The following DIDO1 variants were observed in gnomAD, a reference collection of about 807,000 sequenced individuals.
The protein encoded by DIDO1 is death-inducer obliterator 1.
In DIDO1, 16 loss-of-function variants were observed where a neutral mutation model predicts 99.4. That is an observed-to-expected ratio of 0.16 (90% confidence interval 0.11 to 0.24). The LOEUF (loss-of-function observed/expected upper bound fraction) is 0.24, where lower values mean the gene tolerates loss of function less well. Ranked by LOEUF, DIDO1 falls within the 10% of genes least tolerant of loss-of-function variation. The probability of loss-of-function intolerance (pLI) is 1.00; values close to 1 mark genes in which losing one functional copy is unlikely to be tolerated. For synonymous variants in DIDO1, 1,366 were observed against 1,239.1 expected (o/e 1.10, Z -2.15); for missense variants, 2,996 against 3,014.0 (o/e 0.99, Z 0.14).
At chr20:62,906,707 CAAA>C (rs753653648) in intron 5 of DIDO1, among the ~76,000 whole-genome samples, 82,803 of 151,696 alleles carry the variant, frequency 0.55, 24,043 homozygotes, top group African/African-American at 0.75. Context: ...CTAAACATTC[CAAA>C]TAACACGGAG....
intron 15 of DIDO1, among the ~76,000 whole-genome samples, chr20:62,883,615 A>C (rs73619439): frequency 0.094 from 14,346 of 152,198 alleles, 993 homozygotes; most frequent in East Asian, 0.31. Flanking sequence ...TCATGAGGTC[A>C]AGAGATCAAG....
rs190486956 is a variant in DIDO1 at position 62,879,161 on chromosome 20, A to G, written c.*72T>C. On this transcript the variant is annotated 3_prime_UTR_variant, in exon 16 of 16. Coordinates refer to ENST00000395343, the MANE Select transcript of DIDO1 (RefSeq NM_001193369.2). This position sits in a 1 kb window ranked among gnomAD's most constrained non-coding sequence, Gnocchi z 6.3. ...CTATCCTGAATCTAAGATCGTGGCT[A>G]TTTCAAAAGCTATTTGTTCAACGCA... The G allele has an allele frequency of 2.3e-3, 3,086 of 1,337,328 alleles. 6 individuals are homozygous for G. The highest frequency in any genetic ancestry group is 4.7e-3 in the Middle Eastern group (25 of 5,306). 82.8% of individuals were successfully genotyped at this position (1,337,328 alleles called of 1,614,324 possible).
Position 62,881,728 on chromosome 20 carries a change from C to T in DIDO1, c.4228G>A (p.Val1410Met). 2 of 1,613,028 alleles carry T rather than the reference C, an allele frequency of 1.2e-6. No individual in the cohort carries two copies. Among genetic ancestry groups the T allele is most frequent in the Non-Finnish European group, 1.7e-6 (2 of 1,180,022 alleles). ...GCAGCTGCTTCAGGAGCCCTTTCCA[C>T]CTCGTGGCGCCGCCCTCGCTCCACA... ...QLVERGRRHE[V>M]ERAPEAAAAE... Residue 1410 changes from valine (V) to methionine (M), a missense_variant, in exon 16 of 16, where the codon GTG (valine) becomes ATG (methionine). By Grantham distance (21) the Val-to-Met change is conservative. Coordinates refer to ENST00000395343, the MANE Select transcript of DIDO1 (RefSeq NM_001193369.2). The surrounding 1 kb of genome is among the most constrained non-coding windows in gnomAD (Gnocchi z 8.3).
intron 15 of DIDO1, chr20:62,887,251 G>A: frequency 9.1e-6 from 9 of 985,448 alleles, no homozygotes; most frequent in Non-Finnish European, 1.1e-5. Context: ...GGAGGAGAAG[G>A]CAGTACATTC....
Position 62,881,941 on chromosome 20 carries a change from T to A in DIDO1, c.4015A>T (p.Thr1339Ser), listed in dbSNP as rs75790071. The change falls in exon 16 of 16, where the codon ACC (threonine) becomes TCC (serine). Residue 1339 changes from threonine to serine, a missense_variant. This residue lies in a region of DIDO1 where 1,562 missense variants were observed against 1,412.6 expected (regional missense o/e 1.11). Transcript: ENST00000395343. This position sits in a 1 kb window ranked among gnomAD's most constrained non-coding sequence, Gnocchi z 8.3. Reference protein sequence around the residue: ...DPSAREPPGSTAGLPQEPKTT... With the variant: ...DPSAREPPGSSAGLPQEPKTT... ...TTGGGCTCCTGGGGGAGACCTGCGGTGGACCCGGGAGGCTCTCTGGCGGAC... is the reference window on the plus strand; with the variant it reads ...TTGGGCTCCTGGGGGAGACCTGCGGAGGACCCGGGAGGCTCTCTGGCGGAC... The A allele has an allele frequency of 1.8e-3, 2,828 of 1,613,360 alleles. 43 individuals are homozygous for A. The African/African-American group carries it at 0.032, about 18-fold the overall frequency.
intron 1 of DIDO1, among the ~76,000 whole-genome samples, chr20:62,924,777 A>G (rs2065221359): frequency 6.6e-6 from 1 of 152,120 alleles, no homozygotes; most frequent in Non-Finnish European, 1.5e-5. Context: ...TCAATCACAA[A>G]TTATCTTATT....
In DIDO1 at chr20:62,911,283, G is replaced by T; in HGVS notation, c.330C>A (p.Ala110=). The change falls in exon 3 of 16, where the codon GCC becomes GCA. Residue 110 remains alanine, a synonymous_variant. Transcript: ENST00000395343. This position sits in a 1 kb window ranked among gnomAD's most constrained non-coding sequence, Gnocchi z 7.0. ...TSCPATDAET[A]SEGSVESASE... ...AAGCGCTTTCCACGCTGCCCTCGGA[G>T]GCTGTCTCGGCGTCTGTGGCGGGGC... 6.2e-7 allele frequency: 1 copy of T among 1,612,178 alleles called. No homozygotes were observed. The highest frequency in any genetic ancestry group is 8.5e-7 in the Non-Finnish European group (1 of 1,180,022).
At position 62,911,330 on chromosome 20, in the gene DIDO1, C is replaced by T. The variant is rs1301927054; in HGVS notation, c.283G>A (p.Asp95Asn). ...GRRSMPVSLE[D>N]SGEPTSCPAT... is the part of the protein sequence containing the mutation. ...GGGCAGGACGTGGGCTCACCAGAAT[C>T]CTCCAGGGAGACAGGCATGCTCCTC... The change falls in exon 3 of 16, where the codon GAT becomes AAT. Residue 95 changes from aspartate to asparagine, a missense_variant. By Grantham distance (23) the Asp-to-Asn change is conservative. Coordinates refer to ENST00000395343, the MANE Select transcript of DIDO1 (RefSeq NM_001193369.2). The surrounding 1 kb of genome is among the most constrained non-coding windows in gnomAD (Gnocchi z 7.0). 11 of 1,608,734 alleles carry T rather than the reference C, an allele frequency of 6.8e-6. No individual in the cohort carries two copies. Among genetic ancestry groups the T allele is most frequent in the Non-Finnish European group, 8.5e-6 (10 of 1,179,978 alleles).
At chr20:62,903,257 GTGTC>G (rs2064723893) in intron 6 of DIDO1, among the ~76,000 whole-genome samples, 1 of 152,240 alleles carries the variant, frequency 6.6e-6, no homozygotes, top group African/African-American at 2.4e-5. Flanking sequence ...CAATGGCAGA[GTGTC>G]TGTGCACACC....
At chr20:62,921,808 T>C (rs893753992) in intron 1 of DIDO1, among the ~76,000 whole-genome samples, 7 of 151,018 alleles carry the variant, frequency 4.6e-5, no homozygotes, top group African/African-American at 1.7e-4. Flanking sequence ...CTATTGTGTG[T>C]GTGTGTATAT....
In DIDO1 at chr20:62,893,680, C is replaced by T. The variant is rs759323317; in HGVS notation, c.3087G>A (p.Pro1029=). 2.4e-5 allele frequency: 39 copies of T among 1,600,882 alleles called. No homozygotes were observed. The Middle Eastern group carries it at 8.3e-4, about 34-fold the overall frequency. The part of the protein sequence containing the change: ...SPDPRYLSVP[P]SPNISTSESR... The stretch of plus-strand genomic sequence containing the variant: ...GAAGTACGCACCTGATATTTGGTGA[C>T]GGAGGAACTGACAGGTATCTTGGGT... The change falls in exon 12 of 16, where the codon CCG becomes CCA. Residue 1029 remains proline (P), a synonymous_variant. Transcript: ENST00000395343.
rs758788766 is a variant in DIDO1 at position 62,879,488 on chromosome 20, G to T, written c.6468C>A (p.Asn2156Lys). Reference protein sequence around the residue: ...DWDRNRERSANRDREREADRG... With the variant: ...DWDRNRERSAKRDREREADRG... ...GGTCGGCCTCGCGCTCTCGGTCGCG[G>T]TTGGCGCTCCTCTCCCGGTTTCTGT... The change falls in exon 16 of 16, where the codon AAC (asparagine) becomes AAA (lysine). Residue 2156 changes from asparagine to lysine, a missense_variant. By Grantham distance (94) the Asn-to-Lys change is moderately conservative (BLOSUM62 0). Coordinates refer to ENST00000395343, the MANE Select transcript of DIDO1 (RefSeq NM_001193369.2). The surrounding 1 kb of genome is among the most constrained non-coding windows in gnomAD (Gnocchi z 6.3). 37 of 1,591,796 alleles carry T rather than the reference G, an allele frequency of 2.3e-5. No individual in the cohort carries two copies. Among genetic ancestry groups the T allele is most frequent in the Non-Finnish European group, 2.8e-5 (33 of 1,175,922 alleles).
chr20:62,931,658 G>A (rs1307041616), intron 1 of DIDO1, among the ~76,000 whole-genome samples: 1 of 152,198 alleles, frequency 6.6e-6, no homozygotes, highest in African/African-American at 2.4e-5. Context: ...GGAGGAAGGT[G>A]CAGGGATGTC....
rs1212155972 is a variant in DIDO1 at position 62,892,038 on chromosome 20, T to C, written c.3294A>G (p.Ala1098=). 2 of 1,613,538 alleles carry C rather than the reference T, an allele frequency of 1.2e-6. No homozygotes were observed. The highest frequency in any genetic ancestry group is 4.5e-5 in the East Asian group (2 of 44,880). The change falls in exon 14 of 16, where the codon GCA becomes GCG. Residue 1098 remains alanine, a synonymous_variant. Transcript: ENST00000395343. ...CAACATAATCCCAAACTGTCTTCGG[T>C]GCGATCCTCCCACCAATGTGAATTG... ...PDTIHIGGRI[A]PKTVWDYVGK...
intron 3 of DIDO1, among the ~76,000 whole-genome samples, 181 bp downstream of exon 3, chr20:62,910,593 G>C (rs573190507): frequency 6.6e-6 from 1 of 152,372 alleles, no homozygotes; most frequent in Non-Finnish European, 1.5e-5. Flanking sequence ...GTGGCTACCA[G>C]AGTGGAGAGG....
chr20:62,878,842 G>A lies in DIDO1; in HGVS notation c.*391C>T, dbSNP rs1204526655. 3 of 163,210 alleles carry A rather than the reference G, an allele frequency of 1.8e-5. No homozygotes were observed. The East Asian group carries it at 5.3e-4, about 29-fold the overall frequency. The allele number at this position is 163,210 out of a possible 1,614,324, so 10.1% of individuals were successfully genotyped here. A position where few individuals can be genotyped will look rare whatever the true frequency, so the allele number is the denominator to read the frequency against. On this transcript the variant is annotated 3_prime_UTR_variant, in exon 16 of 16. Transcript: ENST00000395343. Reference sequence around the variant, plus strand: ...GGTCACGCCCACACCGGCCTCCGGGGCGGCGGCTAAGACCTGTAAAAGCAG... The same window carrying A: ...GGTCACGCCCACACCGGCCTCCGGGACGGCGGCTAAGACCTGTAAAAGCAG...
At chr20:62,900,941 T>C (rs968992379) in intron 6 of DIDO1, among the ~76,000 whole-genome samples, 1 of 152,244 alleles carries the variant, frequency 6.6e-6, no homozygotes, top group East Asian at 1.9e-4. Flanking sequence ...CAGCCCTCAG[T>C]GAGGCGTGTG....
chr20:62,879,638 C>T lies in DIDO1; in HGVS notation c.6318G>A (p.Gln2106=). Residue 2106 remains glutamine, a synonymous_variant, in exon 16 of 16, where the codon CAG becomes CAA. Coordinates refer to ENST00000395343, the MANE Select transcript of DIDO1 (RefSeq NM_001193369.2). The surrounding 1 kb of genome is among the most constrained non-coding windows in gnomAD (Gnocchi z 6.3). ...KEKPLEEPDA[Q]GRASEDRRRE... ...TCCTCCTGTCCTCGGACGCCCGGCC[C>T]TGGGCGTCGGGCTCCTCCAGCGGCT... The T allele has an allele frequency of 3.7e-6, 6 of 1,606,646 alleles. No individual in the cohort carries two copies. Among genetic ancestry groups the T allele is most frequent in the Non-Finnish European group, 4.2e-6 (5 of 1,179,770 alleles).
intron 6 of DIDO1, among the ~76,000 whole-genome samples, chr20:62,901,330 A>G (rs1039922249): frequency 1.4e-4 from 21 of 152,058 alleles, no homozygotes; most frequent in African/African-American, 4.8e-4. Flanking sequence ...GAGGTGTGTA[A>G]TTCTCCCTAA....
Sources: gnomAD v4.1 joint callset for allele counts (sites outside exome capture counted in the v4.1 genomes callset) on GRCh38, gnomAD v4.1.1 for gene constraint, gnomAD v4.1.1 regional missense constraint, Gnocchi (gnomAD v3.1) non-coding constraint, MANE v1.5 for transcripts, NCBI Gene and HGNC (gene_info 2026-07-23, HGNC 2026-07-21) for gene names.